BRINP2: variants seen among roughly 807,000 people sequenced by gnomAD.
BRINP2 encodes the protein BMP/retinoic acid inducible neural specific 2.
Under a neutral mutation model 69.2 loss-of-function variants are expected in BRINP2, and 21 were observed. That is an observed-to-expected ratio of 0.30 (90% CI 0.22 to 0.44). The LOEUF is 0.44. BRINP2 is among the 20% of genes least tolerant of loss of function. BRINP2 has a pLI of 1.00. For missense variants in BRINP2, 877 were observed against 986.0 expected, an observed-to-expected ratio of 0.89 and a Z score of 1.48; for synonymous variants, 380 against 394.1, an observed-to-expected ratio of 0.96 and a Z score of 0.42.
At chr1:177,254,522 T>C (rs948673714) in intron 2 of BRINP2, among the ~76,000 whole-genome samples, 1 of 152,152 alleles carries the variant, frequency 6.6e-6, no homozygotes, top group Non-Finnish European at 1.5e-5. Flanking sequence ...GAAGTGCACA[T>C]AAAGCAAATC....
At chr1:177,210,222 A>G (rs1649184370) in intron 1 of BRINP2, among the ~76,000 whole-genome samples, 1 of 152,164 alleles carries the variant, frequency 6.6e-6, no homozygotes. Flanking sequence ...CAGTCATATA[A>G]TCTTTCCCTT....
intron 2 of BRINP2, among the ~76,000 whole-genome samples, chr1:177,250,310 G>C: frequency 7.3e-6 from 1 of 137,194 alleles, no homozygotes; most frequent in East Asian, 2.1e-4. Context: ...AGCCACTTGT[G>C]TGCATTCTTT....
intron 1 of BRINP2, among the ~76,000 whole-genome samples, chr1:177,222,831 C>G (rs1649577483): frequency 6.6e-6 from 1 of 152,108 alleles, no homozygotes; most frequent in Non-Finnish European, 1.5e-5. Context: ...CACTTTGGAA[C>G]AGCCGATCAG....
rs141362770 is a variant in BRINP2, at chr1:177,262,697, T to C, written c.669+5313T>C. Among the ~76,000 whole-genome samples, 4 of 152,320 alleles carry C rather than the reference T, an allele frequency of 2.6e-5. No individual in the cohort carries two copies. The East Asian group carries it at 7.7e-4, about 29-fold the overall frequency. ...TATTAGTTGCATGGTGAGATAGTGCTGTTGTTTTCTTTTGATTGGCTTCTT... is the reference window on the plus strand; with the variant it reads ...TATTAGTTGCATGGTGAGATAGTGCCGTTGTTTTCTTTTGATTGGCTTCTT... On this transcript the variant is annotated intron_variant, in intron 4 of 7. Coordinates refer to ENST00000361539, the MANE Select transcript of BRINP2 (RefSeq NM_021165.4).
intron 1 of BRINP2, among the ~76,000 whole-genome samples, chr1:177,211,843 A>G (rs1302562150): frequency 6.6e-6 from 1 of 152,204 alleles, no homozygotes; most frequent in Non-Finnish European, 1.5e-5. Flanking sequence ...CTCATTCTAC[A>G]TCAACTTTTA....
At position 177,281,353 on chromosome 1, in the gene BRINP2, G is replaced by T; in HGVS notation, c.2177G>T (p.Arg726Leu). The T allele has an allele frequency of 6.2e-7, 1 of 1,614,144 alleles. No individual in the cohort carries two copies. Among genetic ancestry groups the T allele is most frequent in the East Asian group, 2.2e-5 (1 of 44,868 alleles). The change falls in exon 8 of 8, where the codon CGG becomes CTG. Residue 726 changes from arginine to leucine, a missense_variant. By Grantham distance (102) the Arg-to-Leu change is moderately radical. Around this residue, in one of 3 missense-constraint regions of BRINP2, gnomAD observed 225 missense variants for 218.7 expected, o/e 1.03. Coordinates refer to ENST00000361539, the MANE Select transcript of BRINP2 (RefSeq NM_021165.4). ...TTGCAGCTCATTGAGCTCAGGGACC[G>T]GGTGAACCAGCTTTCTCCACCTGGC... Reference protein sequence around the residue: ...ALLQLIELRDRVNQLSPPGKV... With the variant: ...ALLQLIELRDLVNQLSPPGKV...
At chr1:177,224,962 A>G (rs1032486562) in intron 1 of BRINP2, among the ~76,000 whole-genome samples, 5 of 152,216 alleles carry the variant, frequency 3.3e-5, no homozygotes, top group African/African-American at 9.6e-5. Flanking sequence ...ATAATTTTCA[A>G]TGAAGAAATA....
intron 2 of BRINP2, among the ~76,000 whole-genome samples, 172 bp from the exon 3 acceptor site, chr1:177,255,747 G>A (rs1354602358): frequency 4.6e-5 from 7 of 152,376 alleles, no homozygotes; most frequent in African/African-American, 1.7e-4. Context: ...TGACAGGCCA[G>A]GTGAGAGGCC....
chr1:177,200,321 A>AAAAAAAAAAAC (rs1648871766), intron 1 of BRINP2, among the ~76,000 whole-genome samples: 1 of 147,182 alleles, frequency 6.8e-6, no homozygotes, highest in African/African-American at 2.6e-5. Context: ...AAAAAAAAAA[A>AAAAAAAAAAAC]AGAATGCATT....
intron 4 of BRINP2, among the ~76,000 whole-genome samples, chr1:177,269,141 G>A (rs1231043727): frequency 1.3e-5 from 2 of 152,192 alleles, no homozygotes; most frequent in East Asian, 3.9e-4. Context: ...GTAACCAAAG[G>A]GAGAGTATAC....
chr1:177,242,504 A>C (rs897585432), intron 2 of BRINP2, among the ~76,000 whole-genome samples: 1 of 152,016 alleles, frequency 6.6e-6, no homozygotes, highest in African/African-American at 2.4e-5. Flanking sequence ...CCTCTACCCC[A>C]AAAGCTCTTT....
chr1:177,265,911 G>A (rs1046382351), intron 4 of BRINP2, among the ~76,000 whole-genome samples: 4 of 151,850 alleles, frequency 2.6e-5, no homozygotes, highest in Non-Finnish European at 4.4e-5. Context: ...ACAAGGTCAG[G>A]AGATGGAGAC....
intron 1 of BRINP2, among the ~76,000 whole-genome samples, chr1:177,172,242 CCAAA>C (rs1216285607): frequency 6.6e-6 from 1 of 152,144 alleles, no homozygotes; most frequent in Non-Finnish European, 1.5e-5. Context: ...AAATAAAATT[CCAAA>C]CAGTGAACCC....
intron 1 of BRINP2, among the ~76,000 whole-genome samples, chr1:177,212,756 C>T (rs1194855983): frequency 2.0e-5 from 3 of 152,142 alleles, no homozygotes; most frequent in East Asian, 3.9e-4. Context: ...TTCACCAGCA[C>T]ACTACTGTTT....
chr1:177,213,339 G>T (rs1213782024), intron 1 of BRINP2, among the ~76,000 whole-genome samples: 1 of 151,982 alleles, frequency 6.6e-6, no homozygotes, highest in Admixed American at 6.6e-5. Context: ...TCACTAGTTG[G>T]AGCACCCAGC....
intron 1 of BRINP2, among the ~76,000 whole-genome samples, chr1:177,226,997 C>A (rs572819669): frequency 1.3e-5 from 2 of 152,190 alleles, no homozygotes; most frequent in African/African-American, 2.4e-5. Context: ...TATTCAGAAA[C>A]CTTTGTCCTC....
At chr1:177,182,716 A>C (rs1002241590) in intron 1 of BRINP2, among the ~76,000 whole-genome samples, 1 of 152,158 alleles carries the variant, frequency 6.6e-6, no homozygotes, top group Non-Finnish European at 1.5e-5. Context: ...AGGCATGGTG[A>C]ACTTGGGTTC....
chr1:177,257,061 C>T, intron 3 of BRINP2, 115 bp from the exon 4 acceptor site: 1 of 1,561,410 alleles, frequency 6.4e-7, no homozygotes, highest in Non-Finnish European at 8.7e-7. Flanking sequence ...AGCTTGGCAG[C>T]AGGGGCTGCA....
chr1:177,272,962 C>A (rs1406167924), intron 4 of BRINP2, among the ~76,000 whole-genome samples: 1 of 152,126 alleles, frequency 6.6e-6, no homozygotes, highest in African/African-American at 2.4e-5. Flanking sequence ...GCAGTAAGCC[C>A]ATAGCTGATT....
Sources: allele counts gnomAD v4.1 joint callset (sites outside exome capture counted in the v4.1 genomes callset), GRCh38; gene constraint gnomAD v4.1.1; regional missense constraint gnomAD v4.1.1; transcripts MANE v1.5; gene names NCBI Gene and HGNC (gene_info 2026-07-23, HGNC 2026-07-21).